The following MTUS2 variants were observed in gnomAD, a reference collection of about 807,000 sequenced individuals.
The protein encoded by MTUS2 is microtubule-associated tumor suppressor candidate 2.
A neutral mutation model predicts 114.1 loss-of-function variants in MTUS2; 40 were observed. That is an observed-to-expected ratio of 0.35 (90% confidence interval 0.27 to 0.46). The LOEUF is 0.46. MTUS2 is among the 20% of genes least tolerant of loss of function. The pLI is 1.00. For missense variants in MTUS2, 1,679 were observed against 1,705.4 expected (o/e 0.98, Z 0.27); for synonymous variants, 688 against 672.0 (o/e 1.02, Z -0.37).
intron 2 of MTUS2, among the ~76,000 whole-genome samples, chr13:28,937,215 A>G (rs1462258895): frequency 6.6e-6 from 1 of 152,154 alleles, no homozygotes; most frequent in Non-Finnish European, 1.5e-5. Context: ...CTAGGATTGT[A>G]AAATGCACCA....
chr13:28,917,927 C>A (rs1187509254), intron 2 of MTUS2, among the ~76,000 whole-genome samples: 2 of 151,754 alleles, frequency 1.3e-5, no homozygotes, highest in Non-Finnish European at 2.9e-5. Context: ...TTTCTATTAC[C>A]ATTTGTGTCA....
At chr13:29,430,936 T>C (rs940362158) in intron 8 of MTUS2, among the ~76,000 whole-genome samples, 1 of 152,226 alleles carries the variant, frequency 6.6e-6, no homozygotes, top group Non-Finnish European at 1.5e-5. Flanking sequence ...GGTAAAATTG[T>C]TGATAGAGTT....
chr13:29,051,448 G>T (rs192243313), intron 4 of MTUS2, among the ~76,000 whole-genome samples: 2 of 152,262 alleles, frequency 1.3e-5, no homozygotes, highest in Non-Finnish European at 2.9e-5. Context: ...TGAGTCAGGG[G>T]TTCTTGAAGA....
At chr13:28,943,449 T>G (rs1160934925) in intron 2 of MTUS2, among the ~76,000 whole-genome samples, 1 of 152,190 alleles carries the variant, frequency 6.6e-6, no homozygotes, top group African/African-American at 2.4e-5. Flanking sequence ...AGTTTCTTAG[T>G]ACACTAGCTG....
intron 7 of MTUS2, among the ~76,000 whole-genome samples, chr13:29,355,766 C>T (rs1869685730): frequency 6.6e-6 from 1 of 152,124 alleles, no homozygotes; most frequent in African/African-American, 2.4e-5. Flanking sequence ...GGTATTTCTG[C>T]TTGTATATTT....
At chr13:29,251,022 C>T (rs1897106398) in intron 5 of MTUS2, among the ~76,000 whole-genome samples, 1 of 152,182 alleles carries the variant, frequency 6.6e-6, no homozygotes, top group Non-Finnish European at 1.5e-5. Flanking sequence ...GATTCTCTTG[C>T]TCCACATGAA....
chr13:29,461,559 ATCT>A (rs547816378), intron 9 of MTUS2, among the ~76,000 whole-genome samples: 22 of 152,320 alleles, frequency 1.4e-4, no homozygotes, highest in Non-Finnish European at 3.1e-4. Flanking sequence ...ATGACAAGGA[ATCT>A]TCTTCCGTTC....
chr13:29,488,434 C>CTT (rs1566232741), intron 11 of MTUS2, among the ~76,000 whole-genome samples: 4 of 135,444 alleles, frequency 3.0e-5, no homozygotes, highest in African/African-American at 1.2e-4. Context: ...TTTTTTTTTT[C>CTT]CTCTTTTTTT....
chr13:29,338,014 G>T (rs554693231), intron 7 of MTUS2, among the ~76,000 whole-genome samples: 1 of 149,574 alleles, frequency 6.7e-6, no homozygotes, highest in Non-Finnish European at 1.5e-5. Context: ...GGATGGTCTC[G>T]ATCTCTTGAC....
chr13:29,025,359 C>T lies in MTUS2; in HGVS notation c.661C>T (p.Pro221Ser), dbSNP rs752004975. The change falls in exon 3 of 16, where the codon CCA (proline) becomes TCA (serine). Residue 221 changes from proline (P) to serine (S), a missense_variant. Transcript: ENST00000612955. ...GGGEGPQKTL[P>S]DHAVPAAFPA... The stretch of plus-strand genomic sequence containing the variant: ...TGGGGAGGGGCCACAGAAGACATTG[C>T]CAGACCACGCTGTCCCGGCAGCTTT... The T allele has an allele frequency of 1.9e-6, 3 of 1,613,546 alleles. No individual in the cohort carries two copies. The highest frequency in any genetic ancestry group is 2.5e-6 in the Non-Finnish European group (3 of 1,179,846).
intron 2 of MTUS2, among the ~76,000 whole-genome samples, chr13:29,005,161 T>C (rs559999743): frequency 1.3e-5 from 2 of 152,326 alleles, no homozygotes; most frequent in African/African-American, 4.8e-5. Flanking sequence ...CAATGCTTAA[T>C]GTACGTAGGG....
chr13:29,450,009 C>T (rs1878576421), intron 9 of MTUS2, among the ~76,000 whole-genome samples: 2 of 152,182 alleles, frequency 1.3e-5, no homozygotes, highest in East Asian at 1.9e-4. Context: ...GTCCTATGAC[C>T]GCAAGGTGGA....
chr13:29,212,986 C>G (rs1259386561), intron 5 of MTUS2, among the ~76,000 whole-genome samples: 2 of 152,010 alleles, frequency 1.3e-5, no homozygotes, highest in Non-Finnish European at 2.9e-5. Context: ...CCAAAACTAT[C>G]CAGGAACCAC....
At chr13:29,210,748 A>C (rs990094722) in intron 5 of MTUS2, among the ~76,000 whole-genome samples, 10 of 152,218 alleles carry the variant, frequency 6.6e-5, no homozygotes, top group Admixed American at 6.5e-5. Context: ...GGTACTAGGG[A>C]GTTTCTGCAA....
intron 7 of MTUS2, among the ~76,000 whole-genome samples, chr13:29,342,367 T>C (rs1901445560): frequency 6.6e-6 from 1 of 151,822 alleles, no homozygotes; most frequent in African/African-American, 2.4e-5. Flanking sequence ...GGTCTTTCAC[T>C]CCTTAATTAG....
At chr13:29,437,947 CA>C (rs60962567) in intron 8 of MTUS2, among the ~76,000 whole-genome samples, 4,069 of 136,312 alleles carry the variant, frequency 0.03, 152 homozygotes, top group African/African-American at 0.1. Context: ...GATCTTATCT[CA>C]AAAAAAAAAA....
intron 2 of MTUS2, among the ~76,000 whole-genome samples, chr13:28,925,309 T>G (rs1881266264): frequency 6.6e-6 from 1 of 152,322 alleles, no homozygotes; most frequent in Non-Finnish European, 1.5e-5. Context: ...AATTAACGAA[T>G]TCCTGGTTAA....
chr13:28,954,932 G>C (rs1181531831), intron 2 of MTUS2, among the ~76,000 whole-genome samples: 2 of 152,136 alleles, frequency 1.3e-5, no homozygotes, highest in East Asian at 3.8e-4. Flanking sequence ...TCTGTTGACT[G>C]CCCCCAGACA....
At chr13:29,360,082 G>A (rs557794965) in intron 8 of MTUS2, among the ~76,000 whole-genome samples, 6 of 152,302 alleles carry the variant, frequency 3.9e-5, no homozygotes, top group South Asian at 4.1e-4. Flanking sequence ...ATTAACCATG[G>A]AGCAGATAAG....
Sources: gnomAD v4.1 joint callset for allele counts (sites outside exome capture counted in the v4.1 genomes callset) on GRCh38, gnomAD v4.1.1 for gene constraint, MANE v1.5 for transcripts, NCBI Gene and HGNC (gene_info 2026-07-23, HGNC 2026-07-21) for gene names.